The following ASIC2 variants were observed in gnomAD, a reference collection of about 807,000 sequenced individuals.
The protein encoded by ASIC2 is acid-sensing ion channel 2.
ASIC2 carries 25 observed loss-of-function variants against 57.3 expected under a neutral mutation model. That is an observed-to-expected ratio of 0.44 (90% confidence interval 0.32 to 0.61). The LOEUF (loss-of-function observed/expected upper bound fraction) is 0.61. ASIC2 is among the 20% of genes least tolerant of loss of function. The pLI is 0.06. For synonymous variants in ASIC2, 319 were observed against 307.5 expected (o/e 1.04, Z -0.39); for missense variants, 641 against 738.1 (o/e 0.87, Z 1.52).
intron 1 of ASIC2, among the ~76,000 whole-genome samples, chr17:33,314,023 C>T (rs115728429): frequency 0.032 from 4,805 of 152,146 alleles, 254 homozygotes; most frequent in African/African-American, 0.11. Context: ...ACTTTGATTA[C>T]TCAAGGTTTT....
chr17:34,023,535 C>G (rs1237023352), intron 1 of ASIC2, among the ~76,000 whole-genome samples: 2 of 152,142 alleles, frequency 1.3e-5, no homozygotes, highest in African/African-American at 4.8e-5. Flanking sequence ...TGGGGCCTTT[C>G]AGAGTTGCTT....
At chr17:33,728,525 G>A (rs1468374182) in intron 1 of ASIC2, among the ~76,000 whole-genome samples, 3 of 152,096 alleles carry the variant, frequency 2.0e-5, no homozygotes, top group East Asian at 2.0e-4. Context: ...GTTATTTATC[G>A]GTCTGACCTT....
At chr17:33,197,618 G>A (rs943581788) in intron 1 of ASIC2, among the ~76,000 whole-genome samples, 4 of 152,208 alleles carry the variant, frequency 2.6e-5, no homozygotes, top group Non-Finnish European at 2.9e-5. Context: ...CCTCCCAAGG[G>A]GTTGCAGTTT....
In ASIC2 at chr17:33,028,350, C is replaced by G. The variant is rs1319807881; in HGVS notation, c.1030G>C (p.Glu344Gln). The G allele has an allele frequency of 6.2e-7, 1 of 1,614,144 alleles. No homozygotes were observed. The highest frequency in any genetic ancestry group is 2.2e-5 in the East Asian group (1 of 44,886). ...PPPWGECRSS[E>Q]MGLDFFPVYS... ...ACAGGAAAAAAGTCGAGGCCCATCTCTGAGGATCGGCACTCACCCCACGGT... is the reference window on the plus strand; with the variant it reads ...ACAGGAAAAAAGTCGAGGCCCATCTGTGAGGATCGGCACTCACCCCACGGT... The change falls in exon 4 of 10, where the codon GAG becomes CAG. Residue 344 changes from glutamate (E) to glutamine (Q), a missense_variant. Physicochemically the swap from Glu to Gln is conservative, Grantham distance 29. Around this residue, in one of 3 missense-constraint regions of ASIC2, gnomAD observed 252 missense variants for 319.8 expected, o/e 0.79. Transcript: ENST00000225823.
At chr17:33,175,602 A>G (rs1199601735) in intron 1 of ASIC2, among the ~76,000 whole-genome samples, 1 of 152,104 alleles carries the variant, frequency 6.6e-6, no homozygotes, top group Admixed American at 6.5e-5. Flanking sequence ...TAGTTCCCAC[A>G]TTTACAGCGA....
At chr17:33,661,569 T>C (rs921619287) in intron 1 of ASIC2, among the ~76,000 whole-genome samples, 3 of 152,218 alleles carry the variant, frequency 2.0e-5, no homozygotes, top group African/African-American at 7.2e-5. Flanking sequence ...CCTAGCCAAG[T>C]GTCCTTCCTT....
intron 1 of ASIC2, among the ~76,000 whole-genome samples, chr17:33,780,277 C>T (rs1911411708): frequency 6.6e-6 from 1 of 152,084 alleles, no homozygotes; most frequent in Non-Finnish European, 1.5e-5. Flanking sequence ...GGCCTGGAAG[C>T]TATGGTCTTA....
chr17:33,220,955 C>T (rs1435478423), intron 1 of ASIC2, among the ~76,000 whole-genome samples: 1 of 151,952 alleles, frequency 6.6e-6, no homozygotes, highest in Non-Finnish European at 1.5e-5. Flanking sequence ...GCCTGTAGTC[C>T]CAGCTACTCT....
At chr17:34,143,005 A>T (rs1221917821) in intron 1 of ASIC2, 1 of 152,190 alleles carries the variant, frequency 6.6e-6, no homozygotes, top group African/African-American at 2.4e-5. Flanking sequence ...TTGGCACTCC[A>T]CCTGCACGTT....
At chr17:33,682,319 C>T (rs546944506) in intron 1 of ASIC2, among the ~76,000 whole-genome samples, 1 of 152,056 alleles carries the variant, frequency 6.6e-6, no homozygotes, top group East Asian at 1.9e-4. Flanking sequence ...CCCACCTCGG[C>T]CTCCCAAAGT....
At chr17:33,858,836 G>A (rs745441161) in intron 1 of ASIC2, among the ~76,000 whole-genome samples, 4 of 152,378 alleles carry the variant, frequency 2.6e-5, no homozygotes, top group Admixed American at 2.0e-4. Flanking sequence ...CAAGGAGGCA[G>A]ATGTGTACTG....
At chr17:33,611,883 A>G (rs553104897) in intron 1 of ASIC2, among the ~76,000 whole-genome samples, 2 of 152,340 alleles carry the variant, frequency 1.3e-5, no homozygotes, top group South Asian at 2.1e-4. Context: ...ACTATAAGGA[A>G]TTGGCTCATG....
intron 1 of ASIC2, among the ~76,000 whole-genome samples, chr17:33,509,227 G>A (rs1376872283): frequency 6.6e-6 from 1 of 152,166 alleles, no homozygotes; most frequent in Non-Finnish European, 1.5e-5. Flanking sequence ...CACCTGCCTA[G>A]AACTGACTTT....
At chr17:34,039,401 G>C (rs1372679352) in intron 1 of ASIC2, 1 of 1,613,750 alleles carries the variant, frequency 6.2e-7, no homozygotes, top group South Asian at 1.1e-5. Context: ...GTGTCAAGCC[G>C]AGGTTTTGCT....
intron 2 of ASIC2, among the ~76,000 whole-genome samples, chr17:33,104,263 A>T (rs879337376): frequency 6.6e-6 from 1 of 152,182 alleles, no homozygotes; most frequent in Non-Finnish European, 1.5e-5. Context: ...CCATAAACAC[A>T]TATGTTCAAC....
intron 1 of ASIC2, among the ~76,000 whole-genome samples, chr17:34,142,537 A>C (rs1912299803): frequency 6.6e-6 from 1 of 152,232 alleles, no homozygotes. Context: ...CAGGGTCATC[A>C]AAGTTGTATA....
rs903249567 is a variant in ASIC2 at position 33,847,395 on chromosome 17, G to A, written c.555+308583C>T. Among the ~76,000 whole-genome samples, 12 of 152,020 alleles carry A rather than the reference G, an allele frequency of 7.9e-5. 1 individual carries two copies. Among genetic ancestry groups the A allele is most frequent in the African/African-American group, 2.9e-4 (12 of 41,430 alleles). On this transcript the variant is annotated intron_variant, in intron 1 of 9. Coordinates refer to the ASIC2 transcript ENST00000359872. ...TCCTGGGGAACAGGCCTTGCAGACA[G>A]CCCCCATCATCAACACTTTCTCCTT...
chr17:34,093,030 G>C (rs1910388493), intron 1 of ASIC2, among the ~76,000 whole-genome samples: 1 of 152,136 alleles, frequency 6.6e-6, no homozygotes. Flanking sequence ...GACATATGCA[G>C]CTCTGGTTTA....
At chr17:33,437,342 T>G (rs1174408140) in intron 1 of ASIC2, among the ~76,000 whole-genome samples, 1 of 152,192 alleles carries the variant, frequency 6.6e-6, no homozygotes, top group East Asian at 1.9e-4. Flanking sequence ...TATGCACACT[T>G]GAGTGATAAA....
Sources: gnomAD v4.1 joint callset for allele counts (sites outside exome capture counted in the v4.1 genomes callset) on GRCh38, gnomAD v4.1.1 for gene constraint, gnomAD v4.1.1 regional missense constraint, MANE v1.5 for transcripts, NCBI Gene and HGNC (gene_info 2026-07-23, HGNC 2026-07-21) for gene names.